Variants in POLR3C observed in about 807,000 individuals in gnomAD.
POLR3C encodes DNA-directed RNA polymerase III subunit RPC3.
POLR3C carries 44 observed loss-of-function variants against 65.9 expected under a neutral mutation model. That is an observed-to-expected ratio of 0.67 (90% CI 0.52 to 0.86). The LOEUF (loss-of-function observed/expected upper bound fraction) is 0.86. POLR3C is among the 40% of genes least tolerant of loss of function. The pLI is 0.00. For missense variants in POLR3C, 576 were observed against 653.2 expected (o/e 0.88, Z 1.29); for synonymous variants, 263 against 231.6 (o/e 1.14, Z -1.23).
chr1:145,825,301 A>AT (rs1650632567), intron 1 of POLR3C, among the ~76,000 whole-genome samples: 1 of 151,892 alleles, frequency 6.6e-6, no homozygotes. Context: ...TTAGTAGAGA[A>AT]GGGGTTTCAC....
rs1488375591 is a variant in POLR3C, at chr1:145,844,108, TC to T, written c.*1690del. On this transcript the variant is annotated 3_prime_UTR_variant, in exon 15 of 15. Transcript: ENST00000334163. ...AGCCACTGTGGAAGACTACAGAGGTTCCTCAAAAAACTAAAAACAGAACTAT... is the reference window on the plus strand; with the variant it reads ...AGCCACTGTGGAAGACTACAGAGGTTCTCAAAAAACTAAAAACAGAACTAT... Among the ~76,000 whole-genome samples the T allele has an allele frequency of 6.6e-6, 1 of 152,144 alleles. No individual in the cohort carries two copies. Among genetic ancestry groups the T allele is most frequent in the Non-Finnish European group, 1.5e-5 (1 of 68,016 alleles).
At position 145,843,836 on chromosome 1, in the gene POLR3C, A is replaced by G. The variant is rs1652468714; in HGVS notation, c.*1416A>G. ...ATAAGGAGCTCAAACAATAGCAAAA[A>G]GAACAATCCAACTTAAAAATGGCCA... On this transcript the variant is annotated 3_prime_UTR_variant, in exon 15 of 15. Coordinates refer to ENST00000334163, the MANE Select transcript of POLR3C (RefSeq NM_006468.8). Among the ~76,000 whole-genome samples the G allele has an allele frequency of 6.6e-6, 1 of 152,234 alleles. No individual in the cohort carries two copies. The highest frequency in any genetic ancestry group is 1.5e-5 in the Non-Finnish European group (1 of 68,042).
intron 14 of POLR3C, among the ~76,000 whole-genome samples, chr1:145,842,008 T>C (rs782390113): frequency 7.2e-5 from 11 of 152,212 alleles, no homozygotes; most frequent in Non-Finnish European, 1.2e-4. Flanking sequence ...CCACTCACTT[T>C]AAGCTTCAGA....
chr1:145,840,376 C>T, intron 13 of POLR3C: 2 of 506,838 alleles, frequency 3.9e-6, no homozygotes, highest in Middle Eastern at 5.6e-4. Context: ...CCTGTCTTCA[C>T]TAAAAATACA....
intron 13 of POLR3C, 152 bp downstream of exon 13, chr1:145,840,317 A>T: frequency 1.6e-6 from 1 of 614,980 alleles, no homozygotes; most frequent in East Asian, 2.9e-5. Flanking sequence ...AGGCAGGTGG[A>T]TCACTTGAGG....
At chr1:145,827,056 T>C in intron 4 of POLR3C, 51 bp downstream of exon 4, 1 of 1,316,038 alleles carries the variant, frequency 7.6e-7, no homozygotes, top group Non-Finnish European at 1.1e-6. Context: ...TGTGGATTCT[T>C]CTTGATTGTC....
chr1:145,835,564 G>C (rs1376216862), intron 7 of POLR3C, among the ~76,000 whole-genome samples: 1 of 151,762 alleles, frequency 6.6e-6, no homozygotes, highest in Non-Finnish European at 1.5e-5. Context: ...TTTTGGTTGG[G>C]TTTTGTTTGT....
At chr1:145,836,420 T>G in intron 7 of POLR3C, 74 bp from the exon 8 acceptor site, 1 of 883,922 alleles carries the variant, frequency 1.1e-6, no homozygotes, top group Non-Finnish European at 1.9e-6. Flanking sequence ...GTGCCCGGCC[T>G]AAAACATCTT....
chr1:145,842,533 C>T lies in POLR3C; in HGVS notation c.*113C>T, dbSNP rs1186324841. The T allele has an allele frequency of 1.3e-6, 1 of 758,784 alleles. No individual in the cohort carries two copies. The highest frequency in any genetic ancestry group is 2.4e-6 in the Non-Finnish European group (1 of 423,234). 47.0% of individuals were successfully genotyped at this position (758,784 alleles called of 1,614,324 possible). ...AGTCGCAGAGTCTTCAACTAAACCC[C>T]CCTCTCTATCCCCTGCAGCCCAGGA... On this transcript the variant is annotated 3_prime_UTR_variant, in exon 15 of 15. Coordinates refer to ENST00000334163, the MANE Select transcript of POLR3C (RefSeq NM_006468.8).
chr1:145,842,191 C>G, intron 14 of POLR3C, 148 bp from the exon 15 acceptor site: 1 of 599,488 alleles, frequency 1.7e-6, no homozygotes, highest in Non-Finnish European at 3.0e-6. Flanking sequence ...CGGTAAATAG[C>G]AAAATGATCT....
At chr1:145,837,221 C>T (rs748915414) in intron 9 of POLR3C, among the ~76,000 whole-genome samples, 10 of 152,044 alleles carry the variant, frequency 6.6e-5, no homozygotes, top group Non-Finnish European at 1.2e-4. Context: ...GTGGGAGGAT[C>T]GCTAGAGCCC....
chr1:145,828,687 G>C, intron 4 of POLR3C, 62 bp from the exon 5 acceptor site: 1 of 1,159,558 alleles, frequency 8.6e-7, no homozygotes, highest in Non-Finnish European at 1.3e-6. Context: ...CTGCTCTCAT[G>C]TTTGGTCATT....
chr1:145,824,613 A>G, intron 1 of POLR3C: 1 of 880,238 alleles, frequency 1.1e-6, no homozygotes, highest in Non-Finnish European at 1.6e-6. Context: ...AGGAATTGGA[A>G]GAAATAAGTA....
At chr1:145,827,880 A>AT (rs1372801531) in intron 4 of POLR3C, among the ~76,000 whole-genome samples, 1 of 151,860 alleles carries the variant, frequency 6.6e-6, no homozygotes, top group Non-Finnish European at 1.5e-5. Context: ...GTGAGCCAAG[A>AT]TTGCACCACT....
Position 145,843,861 on chromosome 1 carries a change from A to G in POLR3C, c.*1441A>G, listed in dbSNP as rs1652471281. ...AGAACAATCCAACTTAAAAATGGCC[A>G]AAAGATCTTAATAGGTAGTTTTCGA... On this transcript the variant is annotated 3_prime_UTR_variant, in exon 15 of 15. Transcript: ENST00000334163. Among the ~76,000 whole-genome samples the G allele has an allele frequency of 6.6e-6, 1 of 152,266 alleles. No individual in the cohort carries two copies. Among genetic ancestry groups the G allele is most frequent in the Admixed American group, 6.5e-5 (1 of 15,286 alleles).
Position 145,827,869 on chromosome 1 carries a change from A to G in POLR3C, c.589+864A>G, listed in dbSNP as rs587656670. Reference sequence around the variant, plus strand: ...CTTGAACCCAGGAGACAGCGATTGCAGTGAGCCAAGATTGCACCACTGTAC... The same window carrying G: ...CTTGAACCCAGGAGACAGCGATTGCGGTGAGCCAAGATTGCACCACTGTAC... On this transcript the variant is annotated intron_variant, in intron 4 of 14. Transcript: ENST00000334163. 2.0e-5 allele frequency among the ~76,000 whole-genome samples: 3 copies of G among 152,060 alleles called. No individual in the cohort carries two copies. The South Asian group carries it at 6.2e-4, about 32-fold the overall frequency.
Position 145,841,076 on chromosome 1 carries a change from G to C in POLR3C, c.1523+5G>C, listed in dbSNP as rs1354451981. 1 of 1,612,592 alleles carries C rather than the reference G, an allele frequency of 6.2e-7. No homozygotes were observed. Among genetic ancestry groups the C allele is most frequent in the African/African-American group, 1.3e-5 (1 of 74,900 alleles). ...CCTGAAACGTAATGTCAACAAGTAAGCATCATAAACTTCAGACCTGCATTT... is the reference window on the plus strand; with the variant it reads ...CCTGAAACGTAATGTCAACAAGTAACCATCATAAACTTCAGACCTGCATTT... On this transcript the variant is annotated splice_donor_5th_base_variant and intron_variant, in intron 14 of 14. Coordinates refer to ENST00000334163, the MANE Select transcript of POLR3C (RefSeq NM_006468.8).
intron 14 of POLR3C, among the ~76,000 whole-genome samples, chr1:145,841,312 A>G (rs1246283537): frequency 6.6e-6 from 1 of 152,144 alleles, no homozygotes; most frequent in African/African-American, 2.4e-5. Context: ...TTTTTAAGAG[A>G]CGGGGTTTTG....
At chr1:145,829,565 A>G (rs1651117177) in intron 5 of POLR3C, among the ~76,000 whole-genome samples, 1 of 152,114 alleles carries the variant, frequency 6.6e-6, no homozygotes, top group South Asian at 2.1e-4. Context: ...CACTGATTAG[A>G]CTCCTTTAAT....
Sources: allele counts gnomAD v4.1 joint callset (sites outside exome capture counted in the v4.1 genomes callset), GRCh38; gene constraint gnomAD v4.1.1; transcripts MANE v1.5; gene names NCBI Gene and HGNC (gene_info 2026-07-23, HGNC 2026-07-21).